The following DPH7 variants were observed in gnomAD, a reference collection of about 807,000 sequenced individuals.
DPH7 encodes the protein diphthamide biosynthesis 7, also known as diphthine methyltransferase.
In DPH7, 44 loss-of-function variants were observed where a neutral mutation model predicts 41.7. The observed-to-expected ratio is 1.05, with a 90% CI of 0.83 to 1.36. DPH7 has a LOEUF of 1.36. Among genes scored for constraint, DPH7 ranks in the 40% most tolerant of loss-of-function variants. The probability of loss-of-function intolerance (pLI) is 0.00; values close to 1 mark genes in which losing one functional copy is unlikely to be tolerated. For synonymous variants in DPH7, 275 were observed against 238.0 expected, an observed-to-expected ratio of 1.16 and a Z score of -1.43; for missense variants, 629 against 577.5, an observed-to-expected ratio of 1.09 and a Z score of -0.91.
At chr9:137,570,275 A>G (rs1047082457) in intron 5 of DPH7, among the ~76,000 whole-genome samples, 3 of 152,270 alleles carry the variant, frequency 2.0e-5, no homozygotes, top group Admixed American at 6.5e-5. Flanking sequence ...AAGCCTGCAG[A>G]TGAGCCTCAA....
chr9:137,573,205 C>CA (rs1275004935), intron 5 of DPH7, among the ~76,000 whole-genome samples: 3 of 146,430 alleles, frequency 2.0e-5, no homozygotes, highest in Admixed American at 6.9e-5. Context: ...ACTAAAAATA[C>CA]AAAAAATTAG....
chr9:137,564,843 G>C (rs774214994), intron 7 of DPH7, 50 bp downstream of exon 7: 2 of 1,556,122 alleles, frequency 1.3e-6, no homozygotes, highest in Non-Finnish European at 1.7e-6. Context: ...GGAGCCCCCC[G>C]GGGACAGCGA....
At chr9:137,565,060 C>T (rs373733888) in intron 6 of DPH7, 25 bp downstream of exon 6, 175 of 1,613,632 alleles carry the variant, frequency 1.1e-4, no homozygotes, top group Middle Eastern at 3.3e-4. Flanking sequence ...GTGTGGGCAC[C>T]GAGTGCTGGC....
intron 1 of DPH7, 81 bp downstream of exon 1, chr9:137,578,544 T>G (rs1841849765): frequency 3.7e-6 from 5 of 1,365,296 alleles, no homozygotes; most frequent in Admixed American, 3.3e-5. Flanking sequence ...CCTCTTCATC[T>G]CCTGGGCGAT....
intron 5 of DPH7, among the ~76,000 whole-genome samples, chr9:137,568,865 G>A (rs1276896006): frequency 6.6e-6 from 1 of 152,090 alleles, no homozygotes; most frequent in Non-Finnish European, 1.5e-5. Flanking sequence ...CTTTGCTAAG[G>A]GCTCCAGTGA....
At chr9:137,560,408 G>T (rs894131023) in intron 8 of DPH7, among the ~76,000 whole-genome samples, 4 of 152,076 alleles carry the variant, frequency 2.6e-5, no homozygotes, top group Non-Finnish European at 4.4e-5. Flanking sequence ...GTTCTGAGTA[G>T]GAAAAAATGC....
intron 8 of DPH7, among the ~76,000 whole-genome samples, chr9:137,563,531 CAAAAAAA>C (rs3041762): frequency 1.2e-5 from 1 of 85,256 alleles, no homozygotes. Context: ...GACTCCGTCT[CAAAAAAA>C]AAAAAAAAAA....
intron 6 of DPH7, 21 bp from the exon 7 acceptor site, chr9:137,564,979 T>G (rs1207257420): frequency 1.9e-6 from 3 of 1,597,946 alleles, no homozygotes; most frequent in Non-Finnish European, 2.6e-6. Flanking sequence ...AGGCGGCTTC[T>G]GAACCAGTGT....
At chr9:137,576,351 T>C (rs1278628618) in intron 2 of DPH7, 184 bp from the exon 3 acceptor site, 5 of 576,694 alleles carry the variant, frequency 8.7e-6, no homozygotes, top group Non-Finnish European at 1.6e-5. Flanking sequence ...GCCACAAACC[T>C]TACAGCATGT....
At chr9:137,572,084 C>T (rs1468105458) in intron 5 of DPH7, among the ~76,000 whole-genome samples, 3 of 152,194 alleles carry the variant, frequency 2.0e-5, no homozygotes, top group East Asian at 3.9e-4. Flanking sequence ...GCCTTACACA[C>T]GTGCTCGTCA....
chr9:137,561,213 G>C (rs1425423843), intron 8 of DPH7, among the ~76,000 whole-genome samples: 1 of 152,032 alleles, frequency 6.6e-6, no homozygotes, highest in African/African-American at 2.4e-5. Flanking sequence ...TGAAGGGATT[G>C]GGGCAAACAC....
chr9:137,559,642 T>C (rs1838162408), intron 8 of DPH7, among the ~76,000 whole-genome samples: 1 of 152,246 alleles, frequency 6.6e-6, no homozygotes, highest in Non-Finnish European at 1.5e-5. Context: ...GTCTCTGGTA[T>C]GCAGAAATAA....
In DPH7 at chr9:137,564,567, C is replaced by T. The variant is rs747139658; in HGVS notation, c.816G>A (p.Met272Ile). 1.2e-6 allele frequency: 2 copies of T among 1,613,972 alleles called. No homozygotes were observed. The highest frequency in any genetic ancestry group is 1.6e-4 in the Middle Eastern group (1 of 6,062). Residue 272 changes from methionine (M) to isoleucine (I), a missense_variant, in exon 8 of 9, where the codon ATG becomes ATA. Physicochemically the swap from Met to Ile is conservative, Grantham distance 10. Transcript: ENST00000277540. ...CAGGCGTATCTGCCAACGGCTGCTT[C>T]ATGTTTCGTGTGTCCCACAGTAGGA... The part of the protein sequence containing the change: ...EHILLWDTRN[M>I]KQPLADTPVQ...
Position 137,578,713 on chromosome 9 carries a change from C to T in DPH7, c.65G>A (p.Cys22Tyr). Reference protein sequence around the residue: ...TELTADSVEWCPLQGCRHLLA... With the variant: ...TELTADSVEWYPLQGCRHLLA... ...CAGGTGCCTGCAGCCTTGCAGCGGGCACCACTCCACCGAGTCCGCGGTCAG... is the reference window on the plus strand; with the variant it reads ...CAGGTGCCTGCAGCCTTGCAGCGGGTACCACTCCACCGAGTCCGCGGTCAG... Residue 22 changes from cysteine (C) to tyrosine (Y), a missense_variant, in exon 1 of 9, where the codon TGC (cysteine) becomes TAC (tyrosine). Cys to Tyr is a radical substitution (Grantham distance 194). Transcript: ENST00000277540. The T allele has an allele frequency of 2.0e-6, 3 of 1,530,684 alleles. No homozygotes were observed. Among genetic ancestry groups the T allele is most frequent in the Non-Finnish European group, 2.6e-6 (3 of 1,140,078 alleles). The allele number at this position is 1,530,684 out of a possible 1,614,324, so 94.8% of individuals were successfully genotyped here. A position where few individuals can be genotyped will look rare whatever the true frequency, so the allele number is the denominator to read the frequency against.
rs150763167 is a variant in DPH7, at chr9:137,555,304, T to C, written c.1294A>G (p.Ser432Gly). 38 of 1,614,040 alleles carry C rather than the reference T, an allele frequency of 2.4e-5. No individual in the cohort carries two copies. Among genetic ancestry groups the C allele is most frequent in the Non-Finnish European group, 3.1e-5 (37 of 1,180,016 alleles). Residue 432 changes from serine to glycine, a missense_variant, in exon 9 of 9, where the codon AGC (serine) becomes GGC (glycine). Ser to Gly is a moderately conservative substitution (Grantham distance 56). Transcript: ENST00000277540. Reference protein sequence around the residue: ...VNPEEADSAFSLLATCSFYDH... With the variant: ...VNPEEADSAFGLLATCSFYDH... ...TAGAAGGAGCAGGTGGCCAGGAGGC[T>C]GAAGGCTGAGTCTGCTTCTTCTGGG... is the stretch of plus-strand genomic sequence containing the variant.
chr9:137,555,067 C>G lies in DPH7; in HGVS notation c.*172G>C. On this transcript the variant is annotated 3_prime_UTR_variant, in exon 9 of 9. Transcript: ENST00000277540. The stretch of plus-strand genomic sequence containing the variant: ...ACCCAGTCCACTTTCAGGGGCCCAG[C>G]AGGGAAGCTGATTTAAGAGAAGTCA... 2.6e-6 allele frequency: 2 copies of G among 760,446 alleles called. No individual in the cohort carries two copies. Among genetic ancestry groups the G allele is most frequent in the Non-Finnish European group, 3.8e-6 (2 of 522,182 alleles). The allele number at this position is 760,446 out of a possible 1,614,324, so 47.1% of individuals were successfully genotyped here. A position where few individuals can be genotyped will look rare whatever the true frequency, so the allele number is the denominator to read the frequency against.
chr9:137,565,007 C>G (rs770413575), intron 6 of DPH7, 49 bp from the exon 7 acceptor site: 2 of 1,606,828 alleles, frequency 1.2e-6, no homozygotes, highest in Admixed American at 3.4e-5. Flanking sequence ...ACAGACCCAC[C>G]CAGGGAACGG....
In DPH7 at chr9:137,562,021, C is replaced by T. The variant is rs140010697; in HGVS notation, c.949+2413G>A. ...CTGGGACTGCAGGCACCCACCACAG[C>T]GCCTGGCTAATTTTTTGTATTTTTA... is the stretch of plus-strand genomic sequence containing the variant. On this transcript the variant is annotated intron_variant, in intron 8 of 8. Coordinates refer to ENST00000277540, the MANE Select transcript of DPH7 (RefSeq NM_138778.5). Among the ~76,000 whole-genome samples the T allele has an allele frequency of 7.7e-4, 117 of 152,258 alleles. 1 individual carries two copies. The East Asian group carries it at 0.011, about 14-fold the overall frequency.
At chr9:137,574,627 G>A (rs1841064850) in intron 4 of DPH7, 125 bp downstream of exon 4, 3 of 964,076 alleles carry the variant, frequency 3.1e-6, no homozygotes, top group African/African-American at 3.3e-5. Flanking sequence ...AGGACTGGCA[G>A]TGATGATGTC....
Sources: allele counts gnomAD v4.1 joint callset (sites outside exome capture counted in the v4.1 genomes callset), GRCh38; gene constraint gnomAD v4.1.1; transcripts MANE v1.5; gene names NCBI Gene and HGNC (gene_info 2026-07-23, HGNC 2026-07-21).